CLEC16A: variants seen among roughly 807,000 people sequenced by gnomAD.
CLEC16A encodes protein CLEC16A.
CLEC16A carries 51 observed loss-of-function variants against 109.5 expected under a neutral mutation model. That is an observed-to-expected ratio of 0.47 (90% CI 0.37 to 0.59). The LOEUF is 0.59. Ranked by LOEUF, CLEC16A falls within the 20% of genes least tolerant of loss-of-function variation. CLEC16A has a pLI of 0.00. For synonymous variants in CLEC16A, 673 were observed against 564.2 expected (o/e 1.19, Z -2.73); for missense variants, 1,339 against 1,394.0 (o/e 0.96, Z 0.63).
intron 20 of CLEC16A, among the ~76,000 whole-genome samples, chr16:11,123,250 G>C (rs8060411): frequency 0.71 from 107,659 of 152,046 alleles, 39,832 homozygotes; most frequent in African/African-American, 0.92. Context: ...CCAGAAGTTT[G>C]TCAAAGACAT....
chr16:11,175,198 G>T (rs1201966195), intron 23 of CLEC16A, among the ~76,000 whole-genome samples: 1 of 152,194 alleles, frequency 6.6e-6, no homozygotes, highest in Admixed American at 6.5e-5. Context: ...CCCTAGGCCT[G>T]CAGATCAGTT....
At position 10,944,650 on chromosome 16, in the gene CLEC16A, C is replaced by T; in HGVS notation, c.-68C>T. Reference sequence around the variant, plus strand: ...GCATCCTCCGCTTGTGCTACCGCCGCGGGCGCTGGGCCGCTCTGCTGGTCC... The same window carrying T: ...GCATCCTCCGCTTGTGCTACCGCCGTGGGCGCTGGGCCGCTCTGCTGGTCC... On this transcript the variant is annotated 5_prime_UTR_variant, in exon 1 of 24. Transcript: ENST00000409790. 6.9e-7 allele frequency: 1 copy of T among 1,453,384 alleles called. No individual in the cohort carries two copies. The highest frequency in any genetic ancestry group is 9.4e-7 in the Non-Finnish European group (1 of 1,062,350). The allele number at this position is 1,453,384 out of a possible 1,614,324, so 90.0% of individuals were successfully genotyped here. A position where few individuals can be genotyped will look rare whatever the true frequency, so the allele number is the denominator to read the frequency against.
At chr16:11,112,066 A>G (rs1226032259) in intron 19 of CLEC16A, among the ~76,000 whole-genome samples, 1 of 152,238 alleles carries the variant, frequency 6.6e-6, no homozygotes, top group Admixed American at 6.5e-5. Flanking sequence ...GAACGCAGCT[A>G]TGAAAAATCA....
intron 19 of CLEC16A, among the ~76,000 whole-genome samples, chr16:11,072,479 G>A (rs1464848697): frequency 6.9e-6 from 1 of 144,678 alleles, no homozygotes; most frequent in Non-Finnish European, 1.6e-5. Context: ...AGGAAGGGAC[G>A]AGAGAGAGAG....
At chr16:11,094,072 T>C (rs1330611143) in intron 19 of CLEC16A, among the ~76,000 whole-genome samples, 1 of 152,144 alleles carries the variant, frequency 6.6e-6, no homozygotes, top group Non-Finnish European at 1.5e-5. Context: ...CTGCCTTCTT[T>C]TGTAACTGTG....
chr16:11,046,064 C>T (rs564911230), intron 16 of CLEC16A, among the ~76,000 whole-genome samples: 1 of 152,274 alleles, frequency 6.6e-6, no homozygotes, highest in Non-Finnish European at 1.5e-5. Flanking sequence ...TACACCCTCA[C>T]TAGCAAAGCC....
intron 6 of CLEC16A, 45 bp from the exon 7 acceptor site, chr16:10,972,893 A>AT (rs1184990232): frequency 6.6e-7 from 1 of 1,523,610 alleles, no homozygotes; most frequent in Admixed American, 2.3e-5. Context: ...TCCCCAAGTT[A>AT]TTTTTGGTAG....
chr16:10,947,699 C>T (rs867158797), intron 1 of CLEC16A, among the ~76,000 whole-genome samples: 7 of 152,132 alleles, frequency 4.6e-5, no homozygotes, highest in Non-Finnish European at 8.8e-5. Context: ...GGATATGGGA[C>T]TTTCAGTGCT....
At chr16:11,175,894 A>G (rs1008788773) in intron 23 of CLEC16A, among the ~76,000 whole-genome samples, 7 of 152,268 alleles carry the variant, frequency 4.6e-5, no homozygotes, top group African/African-American at 1.7e-4. Flanking sequence ...GCAAATGCAG[A>G]CTTGAGCAAA....
chr16:11,001,944 G>T (rs996725213), intron 10 of CLEC16A, among the ~76,000 whole-genome samples: 1 of 152,136 alleles, frequency 6.6e-6, no homozygotes, highest in African/African-American at 2.4e-5. Context: ...TTTCTTTCTG[G>T]TTATTTATGT....
chr16:10,993,370 C>G (rs946252404), intron 10 of CLEC16A, among the ~76,000 whole-genome samples: 3 of 152,066 alleles, frequency 2.0e-5, no homozygotes, highest in African/African-American at 7.2e-5. Flanking sequence ...TAGAGTGAGA[C>G]TGTCTAAAAA....
chr16:11,069,705 G>A (rs2048959205), intron 19 of CLEC16A, among the ~76,000 whole-genome samples: 1 of 151,990 alleles, frequency 6.6e-6, no homozygotes, highest in Non-Finnish European at 1.5e-5. Context: ...GCTTCCCAAA[G>A]TGCCAGGATT....
intron 1 of CLEC16A, among the ~76,000 whole-genome samples, chr16:10,952,764 C>A (rs1407117924): frequency 6.6e-6 from 1 of 152,156 alleles, no homozygotes; most frequent in Non-Finnish European, 1.5e-5. Context: ...TTGCAGTCTA[C>A]TGAGTATTTC....
intron 3 of CLEC16A, among the ~76,000 whole-genome samples, chr16:10,967,142 C>G (rs1316523346): frequency 3.3e-5 from 5 of 152,162 alleles, no homozygotes; most frequent in African/African-American, 1.2e-4. Context: ...TGCACAGTGG[C>G]TTTTCTGAAT....
chr16:11,029,752 T>C (rs1471963349), intron 13 of CLEC16A, among the ~76,000 whole-genome samples: 1 of 152,234 alleles, frequency 6.6e-6, no homozygotes, highest in African/African-American at 2.4e-5. Flanking sequence ...GTCTAATTGA[T>C]ATGCAATAAA....
chr16:11,087,036 G>A (rs1159936224), intron 19 of CLEC16A, among the ~76,000 whole-genome samples: 1 of 152,172 alleles, frequency 6.6e-6, no homozygotes, highest in Non-Finnish European at 1.5e-5. Context: ...ATTTATCCCT[G>A]TCAGGGCAAG....
intron 19 of CLEC16A, among the ~76,000 whole-genome samples, chr16:11,105,901 G>T (rs771708074): frequency 1.4e-3 from 218 of 152,216 alleles, no homozygotes; most frequent in Non-Finnish European, 1.0e-3. Flanking sequence ...CCCTGAGTGT[G>T]CTGGGAGACA....
Position 11,106,456 on chromosome 16 carries a change from A to ATTTTTT in CLEC16A, c.2117-14143_2117-14138dup, listed in dbSNP as rs538713695. ...GGTGTGAGCCACCACACCCAGCCCA[A>ATTTTTT]TTTTTTTTTTTTTTTTTTTTTAGAT... On this transcript the variant is annotated intron_variant, in intron 19 of 23. Coordinates refer to ENST00000409790, the MANE Select transcript of CLEC16A (RefSeq NM_015226.3). Among the ~76,000 whole-genome samples the ATTTTTT allele has an allele frequency of 3.0e-5, 4 of 133,558 alleles. 1 individual carries two copies. The highest frequency in any genetic ancestry group is 4.8e-5 in the Non-Finnish European group (3 of 62,952). 87.6% of individuals were successfully genotyped at this position (133,558 alleles called of 152,430 possible). A position where few individuals can be genotyped will look rare whatever the true frequency, so the allele number is the denominator to read the frequency against.
At chr16:11,123,259 A>G (rs1436874312) in intron 20 of CLEC16A, among the ~76,000 whole-genome samples, 2 of 152,318 alleles carry the variant, frequency 1.3e-5, no homozygotes, top group South Asian at 2.1e-4. Context: ...TGTCAAAGAC[A>G]TACAAATGGT....
Sources: gnomAD v4.1 joint callset for allele counts (sites outside exome capture counted in the v4.1 genomes callset) on GRCh38, gnomAD v4.1.1 for gene constraint, MANE v1.5 for transcripts, NCBI Gene and HGNC (gene_info 2026-07-23, HGNC 2026-07-21) for gene names.